The following TBC1D30 variants were observed in gnomAD, a reference collection of about 807,000 sequenced individuals.
The protein encoded by TBC1D30 is TBC1 domain family member 30.
A neutral mutation model predicts 63.2 loss-of-function variants in TBC1D30; 31 were observed. The ratio of observed to expected loss-of-function variants is 0.49; its 90% confidence interval spans 0.37 to 0.66. TBC1D30 has a LOEUF of 0.66. Among genes scored for constraint, TBC1D30 ranks in the 30% least tolerant of loss-of-function variants. TBC1D30 has a pLI of 0.00. For synonymous variants in TBC1D30, 307 were observed against 361.5 expected (o/e 0.85, Z 1.71); for missense variants, 810 against 953.6 (o/e 0.85, Z 1.98).
rs1327700670 is a variant in TBC1D30, at chr12:64,875,798, G to A, written c.*10G>A. 13 of 1,522,032 alleles carry A rather than the reference G, an allele frequency of 8.5e-6. No homozygotes were observed. In the East Asian group the frequency reaches 1.2e-4, roughly 14 times the overall value. 94.3% of individuals were successfully genotyped at this position (1,522,032 alleles called of 1,614,324 possible). ...CACTAAAAAACGATGATGTCTCCCC[G>A]AAACTTTGTATCTGGACTCACCTTT... On this transcript the variant is annotated 3_prime_UTR_variant, in exon 12 of 12. Transcript: ENST00000539867.
intron 2 of TBC1D30, among the ~76,000 whole-genome samples, chr12:64,799,059 C>T (rs1174053463): frequency 1.3e-5 from 2 of 151,922 alleles, no homozygotes; most frequent in Non-Finnish European, 2.9e-5. Flanking sequence ...GTGACCTGCC[C>T]GCCTCGGCCT....
chr12:64,780,028 A>G (rs921070533), upstream of TBC1D30, among the ~76,000 whole-genome samples: 6 of 152,222 alleles, frequency 3.9e-5, no homozygotes, highest in South Asian at 2.1e-4. Flanking sequence ...TGATTCTACC[A>G]TCATCAAAAC....
intron 2 of TBC1D30, among the ~76,000 whole-genome samples, chr12:64,807,107 G>A (rs1872915219): frequency 6.6e-6 from 1 of 152,174 alleles, no homozygotes; most frequent in Non-Finnish European, 1.5e-5. Flanking sequence ...CCCACATGTG[G>A]AGGGAAGGAC....
chr12:64,759,591 C>G (rs958367310), exon 1 of TBC1D30: 1 of 401,520 alleles, frequency 2.5e-6, no homozygotes, highest in East Asian at 4.3e-5. Context: ...GGGCGGAGAA[C>G]CGGAGAAAAG....
At chr12:64,852,893 A>C (rs1876994876) in intron 8 of TBC1D30, among the ~76,000 whole-genome samples, 1 of 152,154 alleles carries the variant, frequency 6.6e-6, no homozygotes, top group African/African-American at 2.4e-5. Context: ...GCCAGATGCC[A>C]GCCAGAGCTC....
intron 2 of TBC1D30, among the ~76,000 whole-genome samples, chr12:64,809,805 T>A (rs556541506): frequency 1.3e-5 from 2 of 152,234 alleles, no homozygotes; most frequent in African/African-American, 2.4e-5. Flanking sequence ...AGATCCAGTC[T>A]AATTAATCAT....
At chr12:64,796,748 G>A (rs1243832232) in intron 2 of TBC1D30, among the ~76,000 whole-genome samples, 1 of 152,104 alleles carries the variant, frequency 6.6e-6, no homozygotes, top group African/African-American at 2.4e-5. Context: ...CAGATATTCT[G>A]TGTTTACTAT....
chr12:64,842,042 C>G (rs915904319), intron 7 of TBC1D30, among the ~76,000 whole-genome samples: 2 of 152,112 alleles, frequency 1.3e-5, no homozygotes, highest in African/African-American at 4.8e-5. Flanking sequence ...TCCTACAATA[C>G]AAACAACGTT....
chr12:64,837,196 C>T (rs1875440562), intron 6 of TBC1D30, among the ~76,000 whole-genome samples: 1 of 152,138 alleles, frequency 6.6e-6, no homozygotes, highest in African/African-American at 2.4e-5. Flanking sequence ...TGTGTTTCCT[C>T]CAAACCAGTG....
chr12:64,820,513 T>G (rs959228448), upstream of TBC1D30, among the ~76,000 whole-genome samples: 1 of 152,224 alleles, frequency 6.6e-6, no homozygotes, highest in African/African-American at 2.4e-5. Flanking sequence ...CAATGTGAAG[T>G]GTTCATTAAG....
chr12:64,856,926 G>T (rs1877353777), intron 8 of TBC1D30, among the ~76,000 whole-genome samples: 1 of 152,094 alleles, frequency 6.6e-6, no homozygotes, highest in Admixed American at 6.5e-5. Context: ...TTTGCTTAAA[G>T]CCCAAGGGCT....
chr12:64,861,036 G>C (rs1030581533), intron 8 of TBC1D30, among the ~76,000 whole-genome samples: 1 of 152,192 alleles, frequency 6.6e-6, no homozygotes, highest in Non-Finnish European at 1.5e-5. Flanking sequence ...CCAATCTTAG[G>C]TATTAGGAGA....
At chr12:64,870,855 G>A in intron 11 of TBC1D30, 47 bp downstream of exon 11, 1 of 1,519,418 alleles carries the variant, frequency 6.6e-7, no homozygotes, top group Non-Finnish European at 8.8e-7. Context: ...ATCTCAACTT[G>A]TAAAATGAAG....
rs902578758 is a variant in TBC1D30 at position 64,775,118 on chromosome 12, G to T, written c.-375-10763G>T. On this transcript the variant is annotated intron_variant, in intron 1 of 13. Transcript: ENST00000674237. ...AAAAAAAAAAAAATATATATATATA[G>T]ATATAGATATAGATATATATGGAAG... Among the ~76,000 whole-genome samples, 34 of 149,042 alleles carry T rather than the reference G, an allele frequency of 2.3e-4. No homozygotes were observed. In the East Asian group the frequency reaches 3.9e-3, roughly 17 times the overall value.
At chr12:64,832,363 C>T in intron 5 of TBC1D30, 59 bp downstream of exon 5, 2 of 1,453,396 alleles carry the variant, frequency 1.4e-6, no homozygotes, top group South Asian at 2.6e-5. Context: ...GAAATTGGAA[C>T]CATAATTTCT....
At chr12:64,761,170 G>A (rs79585537) in intron 1 of TBC1D30, among the ~76,000 whole-genome samples, 6,391 of 152,246 alleles carry the variant, frequency 0.042, 431 homozygotes, top group African/African-American at 0.14. Context: ...TCTGTATTCA[G>A]GTTTCAAGAC....
At chr12:64,779,282 C>G (rs1007941380), upstream of TBC1D30, 1 of 152,064 alleles carries the variant, frequency 6.6e-6, no homozygotes. Flanking sequence ...ACTTGGAACT[C>G]GTTGAATGCC....
chr12:64,875,674 C>T lies in TBC1D30; in HGVS notation c.2172C>T (p.Ala724=). 1 of 1,536,472 alleles carries T rather than the reference C, an allele frequency of 6.5e-7. No homozygotes were observed. Among genetic ancestry groups the T allele is most frequent in the Non-Finnish European group, 8.7e-7 (1 of 1,146,992 alleles). ...SVKPLRKSAT[A]RNLGLYGPTE... ...AGCCCCTGCGGAAATCTGCTACTGC[C>T]AGGAACTTGGGATTATATGGCCCTA... Residue 724 remains alanine, a synonymous_variant, in exon 12 of 12, where the codon GCC becomes GCT. Coordinates refer to ENST00000539867, the MANE Select transcript of TBC1D30 (RefSeq NM_015279.2).
At chr12:64,817,273 A>ACAGTATTGAG (rs1873600460) in intron 2 of TBC1D30, among the ~76,000 whole-genome samples, 1 of 152,228 alleles carries the variant, frequency 6.6e-6, no homozygotes, top group African/African-American at 2.4e-5. Context: ...TAATCAAAGG[A>ACAGTATTGAG]CAGTATTGAG....
Sources: allele counts gnomAD v4.1 joint callset (sites outside exome capture counted in the v4.1 genomes callset), GRCh38; gene constraint gnomAD v4.1.1; transcripts MANE v1.5; gene names NCBI Gene and HGNC (gene_info 2026-07-23, HGNC 2026-07-21).